WDR3: variants seen among roughly 807,000 people sequenced by gnomAD.
The protein encoded by WDR3 is WD repeat-containing protein 3.
Under a neutral mutation model 123.7 loss-of-function variants are expected in WDR3, and 81 were observed. The observed-to-expected ratio is 0.65, with a 90% CI of 0.55 to 0.79. WDR3 has a LOEUF of 0.79. WDR3 is among the 30% of genes least tolerant of loss of function. WDR3 has a pLI of 0.00. For synonymous variants in WDR3, 390 were observed against 388.8 expected (o/e 1.00, Z -0.04); for missense variants, 1,027 against 1,123.2 (o/e 0.91, Z 1.22).
chr1:117,936,979 A>G (rs1204192670), intron 4 of WDR3, 92 bp downstream of exon 4: 4 of 1,010,812 alleles, frequency 4.0e-6, no homozygotes, highest in South Asian at 1.6e-5. Flanking sequence ...CAGTGTGCTC[A>G]TGCTTATGCA....
intron 16 of WDR3, among the ~76,000 whole-genome samples, chr1:117,951,653 T>G (rs1395555025): frequency 6.6e-6 from 1 of 152,086 alleles, no homozygotes; most frequent in East Asian, 1.9e-4. Flanking sequence ...TTCTCCCACT[T>G]TCTTTCCAAA....
At position 117,965,815 on chromosome 1, in the gene WDR3, T is replaced by C. The variant is rs1203922136; in HGVS notation, c.*6368T>C. Reference sequence around the variant, plus strand: ...TAAAATTCAAGCCAAGGATTTAAGATCTTTCATAACTTGACTCCAACCTAC... The same window carrying C: ...TAAAATTCAAGCCAAGGATTTAAGACCTTTCATAACTTGACTCCAACCTAC... On this transcript the variant is annotated 3_prime_UTR_variant, in exon 27 of 27. Transcript: ENST00000349139. 1 of 152,230 alleles carries C rather than the reference T, an allele frequency of 6.6e-6. No homozygotes were observed. The highest frequency in any genetic ancestry group is 1.5e-5 in the Non-Finnish European group (1 of 68,050). The allele number at this position is 152,230 out of a possible 1,614,324, so 9.4% of individuals were successfully genotyped here.
At position 117,959,351 on chromosome 1, in the gene WDR3, A is replaced by G. The variant is rs1652711805; in HGVS notation, c.2736A>G (p.Lys912=). The G allele has an allele frequency of 6.2e-7, 1 of 1,613,874 alleles. No individual in the cohort carries two copies. The highest frequency in any genetic ancestry group is 8.5e-7 in the Non-Finnish European group (1 of 1,179,950). ...ATCTCAAGAGGGAATGCGAGGCAAAAAGTGAAGTTATGTTTTTTGCTGATG... is the reference window on the plus strand; with the variant it reads ...ATCTCAAGAGGGAATGCGAGGCAAAGAGTGAAGTTATGTTTTTTGCTGATG... ...LDYLKRECEA[K]SEVMFFADAT... Residue 912 remains lysine (K), a synonymous_variant, in exon 27 of 27, where the codon AAA becomes AAG. Coordinates refer to ENST00000349139, the MANE Select transcript of WDR3 (RefSeq NM_006784.3).
chr1:117,942,542 C>G lies in WDR3; in HGVS notation c.1095C>G (p.Ile365Met). 1 of 1,611,730 alleles carries G rather than the reference C, an allele frequency of 6.2e-7. No homozygotes were observed. Among genetic ancestry groups the G allele is most frequent in the Non-Finnish European group, 8.5e-7 (1 of 1,178,476 alleles). Residue 365 changes from isoleucine (I) to methionine (M), a missense_variant and splice_region_variant, in exon 10 of 27, where the codon ATC becomes ATG. Physicochemically the swap from Ile to Met is conservative, Grantham distance 10 (BLOSUM62 1). Transcript: ENST00000349139. ...CTAATATAAAAACTTCTGCCAAAAT[C>G]AAGTGAGTAAAAATAAATTATCTGA... is the stretch of plus-strand genomic sequence containing the variant. Reference protein sequence around the residue: ...RVTNIKTSAKIKSFDLIHSPH... With the variant: ...RVTNIKTSAKMKSFDLIHSPH...
Position 117,965,251 on chromosome 1 carries a change from G to A in WDR3, c.*5804G>A, listed in dbSNP as rs1254165968. 6.6e-6 allele frequency: 1 copy of A among 152,058 alleles called. No individual in the cohort carries two copies. Among genetic ancestry groups the A allele is most frequent in the Non-Finnish European group, 1.5e-5 (1 of 68,014 alleles). The allele number at this position is 152,058 out of a possible 1,614,324, so 9.4% of individuals were successfully genotyped here. A position where few individuals can be genotyped will look rare whatever the true frequency, so the allele number is the denominator to read the frequency against. On this transcript the variant is annotated 3_prime_UTR_variant, in exon 27 of 27. Coordinates refer to ENST00000349139, the MANE Select transcript of WDR3 (RefSeq NM_006784.3). ...CGTCAATTGTGTCCGTCTTTTCCTT[G>A]AAATTCTTCCTAAGGCTTTTGAAGT... is the stretch of plus-strand genomic sequence containing the variant.
At chr1:117,939,972 A>T (rs1651083967) in intron 6 of WDR3, among the ~76,000 whole-genome samples, 1 of 152,254 alleles carries the variant, frequency 6.6e-6, no homozygotes, top group Non-Finnish European at 1.5e-5. Flanking sequence ...GAATTTACAT[A>T]GAAGAAAAGC....
intron 13 of WDR3, 89 bp from the exon 14 acceptor site, chr1:117,949,662 A>C: frequency 7.0e-7 from 1 of 1,424,014 alleles, no homozygotes; most frequent in Non-Finnish European, 9.6e-7. Context: ...CGTTAAATAA[A>C]AATACTTTCT....
Position 117,930,927 on chromosome 1 carries a change from C to T in WDR3, c.-33+1145C>T, listed in dbSNP as rs1332992926. ...AAATAGAGATAGGAAGAGTGACTTC[C>T]CTTGTGGTGTTATTGTGGAGAATTT... is the stretch of plus-strand genomic sequence containing the variant. On this transcript the variant is annotated intron_variant, in intron 1 of 26. Coordinates refer to ENST00000349139, the MANE Select transcript of WDR3 (RefSeq NM_006784.3). Among the ~76,000 whole-genome samples, 4 of 152,034 alleles carry T rather than the reference C, an allele frequency of 2.6e-5. No homozygotes were observed. The East Asian group carries it at 7.7e-4, about 29-fold the overall frequency.
chr1:117,933,195 C>G (rs1019223127), intron 1 of WDR3, 93 bp from the exon 2 acceptor site: 57 of 1,103,952 alleles, frequency 5.2e-5, no homozygotes, highest in Non-Finnish European at 6.9e-5. Flanking sequence ...CAGAGTGAGA[C>G]TCTGTCTCAA....
intron 15 of WDR3, 112 bp downstream of exon 15, chr1:117,950,242 T>TA: frequency 1.6e-6 from 2 of 1,258,302 alleles, no homozygotes; most frequent in Non-Finnish European, 2.2e-6. Context: ...AGTACATTTC[T>TA]AAAAATGTGT....
intron 23 of WDR3, 120 bp downstream of exon 23, chr1:117,954,747 G>A: frequency 2.8e-6 from 3 of 1,084,796 alleles, no homozygotes; most frequent in Non-Finnish European, 4.0e-6. Flanking sequence ...GTCTTCAAAA[G>A]TCTCTTTTGA....
chr1:117,954,589 C>T lies in WDR3; in HGVS notation c.2371C>T (p.Pro791Ser). The change falls in exon 23 of 27, where the codon CCC becomes TCC. Residue 791 changes from proline to serine, a missense_variant. By Grantham distance (74) the Pro-to-Ser change is moderately conservative. Transcript: ENST00000349139. ...AATAATTTCTTCATAGGTTCCACTT[C>T]CCAGCAACCCCATCCTAATGGCTTA... The part of the protein sequence containing the change: ...CKAAGKEVPL[P>S]SNPILMAYGS... The T allele has an allele frequency of 6.2e-7, 1 of 1,612,432 alleles. No individual in the cohort carries two copies. Among genetic ancestry groups the T allele is most frequent in the South Asian group, 1.1e-5 (1 of 90,848 alleles).
At position 117,941,822 on chromosome 1, in the gene WDR3, A is replaced by G; in HGVS notation, c.964A>G (p.Met322Val). Residue 322 changes from methionine (M) to valine (V), a missense_variant, in exon 9 of 27, where the codon ATG becomes GTG. Met to Val is a conservative substitution (Grantham distance 21). Coordinates refer to ENST00000349139, the MANE Select transcript of WDR3 (RefSeq NM_006784.3). Reference protein sequence around the residue: ...KEIQKKMDKKMKKARKKAKLH... With the variant: ...KEIQKKMDKKVKKARKKAKLH... ...AATTCAGAAGAAAATGGATAAGAAG[A>G]TGAAGAAAGCTAGAAAGAAAGCAAA... is the stretch of plus-strand genomic sequence containing the variant. 6.2e-7 allele frequency: 1 copy of G among 1,611,036 alleles called. No individual in the cohort carries two copies. The highest frequency in any genetic ancestry group is 8.5e-7 in the Non-Finnish European group (1 of 1,179,242).
chr1:117,936,776 ATAT>A lies in WDR3; in HGVS notation c.394_396del (p.Ile132del), dbSNP rs1357817179. 6.2e-7 allele frequency: 1 copy of A among 1,610,314 alleles called. No individual in the cohort carries two copies. The highest frequency in any genetic ancestry group is 2.2e-5 in the East Asian group (1 of 44,796). On this transcript the variant is annotated inframe_deletion, in exon 4 of 27. Coordinates refer to ENST00000349139, the MANE Select transcript of WDR3 (RefSeq NM_006784.3). Reference sequence around the variant, plus strand: ...ATTATTTGATCCCTTTAGGACACAGATATTATTGTATGGGATGTGATCAATGAA... The same window carrying A: ...ATTATTTGATCCCTTTAGGACACAGATATTGTATGGGATGTGATCAATGAA...
intron 3 of WDR3, among the ~76,000 whole-genome samples, chr1:117,935,799 T>G (rs2101194068): frequency 6.6e-6 from 1 of 152,082 alleles, no homozygotes; most frequent in South Asian, 2.1e-4. Flanking sequence ...GTTGGTAGAT[T>G]GGAATACTTG....
chr1:117,933,214 A>T, intron 1 of WDR3, 74 bp from the exon 2 acceptor site: 1 of 1,333,904 alleles, frequency 7.5e-7, no homozygotes, highest in Non-Finnish European at 1.0e-6. Flanking sequence ...AAAAACAAAA[A>T]AACAGTTGGT....
Position 117,941,760 on chromosome 1 carries a change from C to G in WDR3, c.902C>G (p.Ser301Cys). 1 of 1,610,146 alleles carries G rather than the reference C, an allele frequency of 6.2e-7. No individual in the cohort carries two copies. Among genetic ancestry groups the G allele is most frequent in the Non-Finnish European group, 8.5e-7 (1 of 1,179,112 alleles). The part of the protein sequence containing the change: ...GRILACHGTD[S>C]VLELFCILSK... ...CTTTTGCCTTTCTAGGGAACTGACT[C>G]TGTGCTAGAATTGTTTTGTATCCTT... Residue 301 changes from serine (S) to cysteine (C), a missense_variant, in exon 9 of 27, where the codon TCT becomes TGT. Coordinates refer to ENST00000349139, the MANE Select transcript of WDR3 (RefSeq NM_006784.3).
intron 12 of WDR3, among the ~76,000 whole-genome samples, chr1:117,947,034 T>TTTTG (rs1162655065): frequency 2.6e-5 from 4 of 152,106 alleles, no homozygotes; most frequent in Admixed American, 6.5e-5. Context: ...GACACTTGCT[T>TTTTG]TTTGACAGCA....
chr1:117,933,538 A>T (rs996016976), intron 2 of WDR3, 48 bp downstream of exon 2: 1 of 1,608,292 alleles, frequency 6.2e-7, no homozygotes, highest in South Asian at 1.1e-5. Flanking sequence ...GTATTTGAGG[A>T]TGGAGAGGTA....
Sources: gnomAD v4.1 joint callset for allele counts (sites outside exome capture counted in the v4.1 genomes callset) on GRCh38, gnomAD v4.1.1 for gene constraint, MANE v1.5 for transcripts, NCBI Gene and HGNC (gene_info 2026-07-23, HGNC 2026-07-21) for gene names.